MGST1: variants seen among roughly 807,000 people sequenced by gnomAD.
MGST1 encodes the protein microsomal glutathione S-transferase 1, also known as glutathione S-transferase 12.
Under a neutral mutation model 8.9 loss-of-function variants are expected in MGST1, and 5 were observed. That is an observed-to-expected ratio of 0.56 (90% CI 0.29 to 1.19). The LOEUF (loss-of-function observed/expected upper bound fraction) is 1.19, where lower values mean the gene tolerates loss of function less well. Among genes scored for constraint, MGST1 ranks in the 50% most tolerant of loss-of-function variants. The probability of loss-of-function intolerance (pLI) is 0.08; values close to 1 mark genes in which losing one functional copy is unlikely to be tolerated. For missense variants in MGST1, 182 were observed against 187.4 expected (o/e 0.97, Z 0.17); for synonymous variants, 54 against 67.8 (o/e 0.80, Z 1.00).
At chr12:16,452,714 A>C (rs4763445) in intron 4 of MGST1, among the ~76,000 whole-genome samples, 1 of 151,810 alleles carries the variant, frequency 6.6e-6, no homozygotes, top group Admixed American at 6.6e-5. Flanking sequence ...TTTAATTATT[A>C]TGGTAAACTT....
intron 4 of MGST1, among the ~76,000 whole-genome samples, chr12:16,492,761 A>C (rs1262671330): frequency 6.6e-6 from 1 of 152,132 alleles, no homozygotes; most frequent in Non-Finnish European, 1.5e-5. Context: ...CTAGGTCCCA[A>C]GGTTGGAGTC....
intron 4 of MGST1, among the ~76,000 whole-genome samples, chr12:16,522,522 TCTA>T (rs774741397): frequency 6.4e-4 from 98 of 152,164 alleles, no homozygotes; most frequent in Non-Finnish European, 1.2e-3. Flanking sequence ...TCAGTTCACC[TCTA>T]GGGAAATCAT....
chr12:16,547,985 C>T lies in MGST1; in HGVS notation n.483-41543C>T, dbSNP rs942675420. ...GTGCCCTGTTTCAGTTAAGGTGCAACATCTCTTCTGTAAAAATGTAGAATT... is the reference window on the plus strand; with the variant it reads ...GTGCCCTGTTTCAGTTAAGGTGCAATATCTCTTCTGTAAAAATGTAGAATT... On this transcript the variant is annotated intron_variant and non_coding_transcript_variant, in intron 4 of 4. Coordinates refer to the MGST1 transcript ENST00000538857. This position sits in a 1 kb window ranked among gnomAD's most constrained non-coding sequence, Gnocchi z 4.6. Among the ~76,000 whole-genome samples the T allele has an allele frequency of 2.6e-5, 4 of 152,130 alleles. No homozygotes were observed. Among genetic ancestry groups the T allele is most frequent in the Admixed American group, 2.0e-4 (3 of 15,262 alleles).
rs1940529399 is a variant in MGST1, at chr12:16,389,196, A to G, written n.778+5592A>G. Among the ~76,000 whole-genome samples, 1 of 152,248 alleles carries G rather than the reference A, an allele frequency of 6.6e-6. No individual in the cohort carries two copies. Among genetic ancestry groups the G allele is most frequent in the Non-Finnish European group, 1.5e-5 (1 of 68,052 alleles). On this transcript the variant is annotated intron_variant and non_coding_transcript_variant, in intron 1 of 1. Transcript: ENST00000359720. This position sits in a 1 kb window ranked among gnomAD's most constrained non-coding sequence, Gnocchi z 4.6. ...ATGGCTTACCCAGCAACCAGCTCCA[A>G]TTACAGAAATAACAGAAGGAAATTT...
At chr12:16,504,878 T>C (rs536105204) in intron 4 of MGST1, among the ~76,000 whole-genome samples, 1 of 152,308 alleles carries the variant, frequency 6.6e-6, no homozygotes, top group Admixed American at 6.5e-5. Flanking sequence ...TTATGCTGCC[T>C]CTATTTTCTA....
chr12:16,528,424 C>T (rs917514784), intron 4 of MGST1, among the ~76,000 whole-genome samples: 1 of 151,788 alleles, frequency 6.6e-6, no homozygotes, highest in African/African-American at 2.4e-5. Context: ...AAACAAGACC[C>T]GTGCTCTTAA....
At chr12:16,390,929 T>G (rs1940546753) in intron 1 of MGST1, among the ~76,000 whole-genome samples, 1 of 151,768 alleles carries the variant, frequency 6.6e-6, no homozygotes, top group Non-Finnish European at 1.5e-5. Flanking sequence ...CCACCAAGAG[T>G]GCATAAGTGT....
At chr12:16,440,227 A>T (rs1398798980), downstream of MGST1, among the ~76,000 whole-genome samples, 2 of 149,420 alleles carry the variant, frequency 1.3e-5, no homozygotes, top group Non-Finnish European at 3.0e-5. Context: ...TTTTCATGTT[A>T]TATTAAGAAA....
At chr12:16,390,390 A>T (rs1591715162) in intron 1 of MGST1, among the ~76,000 whole-genome samples, 2 of 152,200 alleles carry the variant, frequency 1.3e-5, no homozygotes, top group Non-Finnish European at 1.5e-5. Context: ...TTATTTTGTC[A>T]CCCAGGCACT....
At chr12:16,545,142 T>G (rs953565788) in intron 4 of MGST1, among the ~76,000 whole-genome samples, 2 of 152,128 alleles carry the variant, frequency 1.3e-5, no homozygotes, top group African/African-American at 4.8e-5. Flanking sequence ...GGGATTTTAG[T>G]AAAATGTTTA....
At chr12:16,522,876 T>A (rs911064193) in intron 4 of MGST1, among the ~76,000 whole-genome samples, 1 of 152,024 alleles carries the variant, frequency 6.6e-6, no homozygotes, top group Non-Finnish European at 1.5e-5. Flanking sequence ...TTAAAGGTAA[T>A]CAAGCTGTAT....
Position 16,421,120 on chromosome 12 carries a change from A to C in MGST1, n.779-16268A>C, listed in dbSNP as rs1051097247. ...TAACCAGATGAAATGATCCAGACTT[A>C]AGCCCTGAGGAATCTGAATCCCTGA... On this transcript the variant is annotated intron_variant and non_coding_transcript_variant, in intron 1 of 1. Coordinates refer to the MGST1 transcript ENST00000359720. Among the ~76,000 whole-genome samples the C allele has an allele frequency of 3.3e-5, 5 of 152,108 alleles. No individual in the cohort carries two copies. In the South Asian group the frequency reaches 1.0e-3, roughly 32 times the overall value.
chr12:16,380,248 A>C (rs1408610727), downstream of MGST1, among the ~76,000 whole-genome samples: 1 of 150,234 alleles, frequency 6.7e-6, no homozygotes, highest in Non-Finnish European at 1.5e-5. Flanking sequence ...TGTCAATTTT[A>C]GGTCTTTCCT....
intron 4 of MGST1, among the ~76,000 whole-genome samples, chr12:16,465,856 A>G (rs1417420409): frequency 6.6e-6 from 1 of 152,126 alleles, no homozygotes; most frequent in Non-Finnish European, 1.5e-5. Flanking sequence ...GCTGATTTAA[A>G]TGGTTGGAGA....
chr12:16,539,273 C>G (rs1371680901), intron 4 of MGST1, among the ~76,000 whole-genome samples: 1 of 152,116 alleles, frequency 6.6e-6, no homozygotes, highest in Admixed American at 6.5e-5. Flanking sequence ...AAGATTTTTA[C>G]ATTTGAGAAG....
intron 4 of MGST1, among the ~76,000 whole-genome samples, chr12:16,570,520 A>G (rs1226280382): frequency 6.6e-6 from 1 of 152,170 alleles, no homozygotes; most frequent in African/African-American, 2.4e-5. Context: ...CATTTTGTGA[A>G]CAGTTGGGAA....
At chr12:16,354,450 C>G (rs1939618260) in intron 2 of MGST1, 72 bp downstream of exon 2, 1 of 1,509,194 alleles carries the variant, frequency 6.6e-7, no homozygotes, top group African/African-American at 1.4e-5. Flanking sequence ...TCTTAATTTT[C>G]TTTTTTTATT....
At chr12:16,538,405 C>T (rs1012046123) in intron 4 of MGST1, among the ~76,000 whole-genome samples, 2 of 152,126 alleles carry the variant, frequency 1.3e-5, no homozygotes, top group African/African-American at 4.8e-5. Flanking sequence ...CTTCCTGTTA[C>T]CCAGTTCCAA....
chr12:16,570,589 A>G (rs1233907052), intron 4 of MGST1, among the ~76,000 whole-genome samples: 1 of 152,126 alleles, frequency 6.6e-6, no homozygotes, highest in Admixed American at 6.6e-5. Flanking sequence ...TAATGTTTTC[A>G]TGTGTCAATT....
Sources: gnomAD v4.1 joint callset for allele counts (sites outside exome capture counted in the v4.1 genomes callset) on GRCh38, gnomAD v4.1.1 for gene constraint, Gnocchi (gnomAD v3.1) non-coding constraint, MANE v1.5 for transcripts, NCBI Gene and HGNC (gene_info 2026-07-23, HGNC 2026-07-21) for gene names.